SLC24A2: variants seen among roughly 807,000 people sequenced by gnomAD.
The protein encoded by SLC24A2 is sodium/potassium/calcium exchanger 2.
In SLC24A2, 36 loss-of-function variants were observed where a neutral mutation model predicts 62.0. The ratio of observed to expected loss-of-function variants is 0.58; its 90% CI spans 0.44 to 0.77. The LOEUF (loss-of-function observed/expected upper bound fraction) is 0.77, where lower values mean the gene tolerates loss of function less well. Among genes scored for constraint, SLC24A2 ranks in the 30% least tolerant of loss-of-function variants. The probability of loss-of-function intolerance (pLI) is 0.00; values close to 1 mark genes in which losing one functional copy is unlikely to be tolerated. For synonymous variants in SLC24A2, 358 were observed against 294.0 expected, an observed-to-expected ratio of 1.22 and a Z score of -2.23; for missense variants, 846 against 817.9, an observed-to-expected ratio of 1.03 and a Z score of -0.42.
At chr9:20,217,694 G>A in the SLC24A2 span, among the ~76,000 whole-genome samples, 12 of 152,114 alleles carry the variant, frequency 7.9e-5, no homozygotes, top group South Asian at 4.1e-4. Flanking sequence ...TTGTAACAGC[G>A]CTACCCAAGT....
intron 2 of SLC24A2, among the ~76,000 whole-genome samples, chr9:19,642,487 G>A (rs926127737): frequency 6.6e-6 from 1 of 152,068 alleles, no homozygotes. Flanking sequence ...AAAAATCACA[G>A]GGTCAATTTT....
the SLC24A2 span, chr9:19,928,216 A>G: frequency 6.6e-6 from 1 of 152,414 alleles, no homozygotes; most frequent in East Asian, 1.9e-4. Context: ...GATACCTTCT[A>G]AACTGAAAAG....
chr9:19,694,683 A>C (rs1427675909), intron 2 of SLC24A2, among the ~76,000 whole-genome samples: 1 of 152,208 alleles, frequency 6.6e-6, no homozygotes, highest in Non-Finnish European at 1.5e-5. Context: ...TCAGATATGC[A>C]CAAAGATAAA....
chr9:19,724,392 A>C (rs2118671711), intron 2 of SLC24A2, among the ~76,000 whole-genome samples: 1 of 152,298 alleles, frequency 6.6e-6, no homozygotes, highest in Middle Eastern at 3.4e-3. Context: ...ATCTTTGAGA[A>C]AGGTGATGCC....
chr9:19,652,679 G>A (rs1466409034), intron 2 of SLC24A2, among the ~76,000 whole-genome samples: 1 of 152,142 alleles, frequency 6.6e-6, no homozygotes, highest in Non-Finnish European at 1.5e-5. Context: ...ATCAATATGT[G>A]TTGTTTTAAG....
chr9:20,234,471 T>C, the SLC24A2 span, among the ~76,000 whole-genome samples: 18,582 of 152,174 alleles, frequency 0.12, 1,212 homozygotes, highest in Middle Eastern at 0.19. Context: ...CTTCATTTCA[T>C]TCATTTCGTC....
the SLC24A2 span, among the ~76,000 whole-genome samples, chr9:19,821,572 G>A: frequency 1.2e-4 from 18 of 152,204 alleles, no homozygotes; most frequent in African/African-American, 4.3e-4. Flanking sequence ...TCCAGGCCAA[G>A]ATTTAAATCT....
the SLC24A2 span, among the ~76,000 whole-genome samples, chr9:20,297,287 C>G: frequency 6.6e-6 from 1 of 152,128 alleles, no homozygotes. Context: ...GGTTAGGACC[C>G]AAACCTGGAT....
At chr9:19,654,624 C>G (rs151316668) in intron 2 of SLC24A2, among the ~76,000 whole-genome samples, 26 of 152,220 alleles carry the variant, frequency 1.7e-4, no homozygotes, top group African/African-American at 5.1e-4. Flanking sequence ...TCCGGCAGGT[C>G]TGGGAATCTT....
At chr9:19,904,596 G>C in the SLC24A2 span, among the ~76,000 whole-genome samples, 2 of 152,124 alleles carry the variant, frequency 1.3e-5, no homozygotes, top group African/African-American at 4.8e-5. Flanking sequence ...CGTTGCATTT[G>C]GGGGGAAAAT....
the SLC24A2 span, among the ~76,000 whole-genome samples, chr9:19,859,161 C>T: frequency 3.9e-5 from 6 of 152,146 alleles, no homozygotes; most frequent in Non-Finnish European, 5.9e-5. Context: ...GAATACTATG[C>T]AGCCATATAA....
chr9:19,553,372 C>T (rs1208407192), intron 7 of SLC24A2, among the ~76,000 whole-genome samples: 1 of 152,150 alleles, frequency 6.6e-6, no homozygotes, highest in Non-Finnish European at 1.5e-5. Flanking sequence ...CCTAAAATTT[C>T]TGCAGAGTGT....
At chr9:20,222,066 T>G in the SLC24A2 span, among the ~76,000 whole-genome samples, 3 of 152,040 alleles carry the variant, frequency 2.0e-5, no homozygotes, top group Non-Finnish European at 2.9e-5. Flanking sequence ...CATTGCTCAT[T>G]GGTAGTAAAA....
At chr9:20,108,974 T>C in the SLC24A2 span, among the ~76,000 whole-genome samples, 1 of 152,176 alleles carries the variant, frequency 6.6e-6, no homozygotes, top group Non-Finnish European at 1.5e-5. Flanking sequence ...AAGATGATAA[T>C]GCATATTTTA....
chr9:19,637,737 G>A (rs1010366466), intron 2 of SLC24A2, among the ~76,000 whole-genome samples: 1 of 152,212 alleles, frequency 6.6e-6, no homozygotes, highest in African/African-American at 2.4e-5. Flanking sequence ...AAGTGATGGA[G>A]CAACCGGATG....
At chr9:19,883,189 C>A in the SLC24A2 span, among the ~76,000 whole-genome samples, 1 of 152,154 alleles carries the variant, frequency 6.6e-6, no homozygotes, top group Non-Finnish European at 1.5e-5. Flanking sequence ...ATCATGTTTG[C>A]ACCAGGCAAA....
the SLC24A2 span, among the ~76,000 whole-genome samples, chr9:19,942,473 T>G: frequency 6.6e-6 from 1 of 152,170 alleles, no homozygotes; most frequent in Non-Finnish European, 1.5e-5. Context: ...AGGATGAATT[T>G]GAAAGGAAAC....
the SLC24A2 span, among the ~76,000 whole-genome samples, chr9:19,878,248 C>T: frequency 1.3e-5 from 2 of 152,260 alleles, no homozygotes; most frequent in African/African-American, 4.8e-5. Flanking sequence ...TCCATAACAC[C>T]TGGAGACTTT....
chr9:19,561,430 A>G (rs1027015138), intron 7 of SLC24A2, among the ~76,000 whole-genome samples: 1 of 129,398 alleles, frequency 7.7e-6, no homozygotes, highest in African/African-American at 2.8e-5. Flanking sequence ...TTAAGTGGAA[A>G]ACAGACTTTT....
Sources: gnomAD v4.1 joint callset for allele counts (sites outside exome capture counted in the v4.1 genomes callset) on GRCh38, gnomAD v4.1.1 for gene constraint, MANE v1.5 for transcripts, NCBI Gene and HGNC (gene_info 2026-07-23, HGNC 2026-07-21) for gene names.